Variants in SEC23A observed in about 807,000 individuals in gnomAD.
SEC23A encodes the protein protein transport protein Sec23A.
A neutral mutation model predicts 103.7 loss-of-function variants in SEC23A; 56 were observed. The observed-to-expected ratio is 0.54, with a 90% CI of 0.44 to 0.67. The LOEUF (loss-of-function observed/expected upper bound fraction) is 0.67, where lower values mean the gene tolerates loss of function less well. Ranked by LOEUF, SEC23A falls within the 30% of genes least tolerant of loss-of-function variation. The pLI is 0.00. For missense variants in SEC23A, 784 were observed against 936.4 expected, an observed-to-expected ratio of 0.84 and a Z score of 2.12; for synonymous variants, 281 against 293.0, an observed-to-expected ratio of 0.96 and a Z score of 0.42.
chr14:39,075,065 C>T (rs1388254073), intron 8 of SEC23A, among the ~76,000 whole-genome samples: 1 of 151,986 alleles, frequency 6.6e-6, no homozygotes, highest in African/African-American at 2.4e-5. Context: ...GGAGATCATG[C>T]CATTGTACTC....
intron 7 of SEC23A, among the ~76,000 whole-genome samples, chr14:39,082,610 G>A (rs991198539): frequency 6.6e-6 from 1 of 151,784 alleles, no homozygotes; most frequent in African/African-American, 2.4e-5. Flanking sequence ...ATTTTGCAAT[G>A]TTTATTAATT....
chr14:39,094,357 CATATACATATATATAT>C (rs1887780667), intron 2 of SEC23A, among the ~76,000 whole-genome samples: 1 of 55,224 alleles, frequency 1.8e-5, no homozygotes, highest in Non-Finnish European at 3.3e-5. Context: ...CATATATACA[CATATACATATATATAT>C]ACACACACAC....
chr14:39,053,474 T>C (rs1441104924), intron 14 of SEC23A, among the ~76,000 whole-genome samples: 1 of 151,442 alleles, frequency 6.6e-6, no homozygotes, highest in Non-Finnish European at 1.5e-5. Flanking sequence ...TCTAATAGTG[T>C]CCCATCAATA....
chr14:39,058,587 G>A (rs531947636), intron 13 of SEC23A, among the ~76,000 whole-genome samples: 4 of 152,290 alleles, frequency 2.6e-5, no homozygotes, highest in South Asian at 2.1e-4. Context: ...GATTACAGGC[G>A]TGAGCCACCG....
intron 10 of SEC23A, among the ~76,000 whole-genome samples, chr14:39,066,147 C>T (rs1440050701): frequency 6.6e-6 from 1 of 151,608 alleles, no homozygotes; most frequent in Non-Finnish European, 1.5e-5. Context: ...CATTCTATTA[C>T]ATGCAGTGTT....
At chr14:39,100,220 T>C (rs1342552221) in intron 1 of SEC23A, among the ~76,000 whole-genome samples, 1 of 152,258 alleles carries the variant, frequency 6.6e-6, no homozygotes, top group South Asian at 2.1e-4. Context: ...CAGCAGTAGT[T>C]TGAAGAAAAT....
chr14:39,050,808 G>GAAGAAAGAAAGAAAGAAAGAAAGGAAGA (rs1555326887), intron 14 of SEC23A, among the ~76,000 whole-genome samples: 10 of 150,610 alleles, frequency 6.6e-5, no homozygotes, highest in Non-Finnish European at 1.5e-5. Context: ...GGAAAGAAAG[G>GAAGAAAGAAAGAAAGAAAGAAAGGAAGA]AAGAAAGAAA....
At chr14:39,049,040 G>A (rs549035406) in intron 14 of SEC23A, among the ~76,000 whole-genome samples, 3 of 151,966 alleles carry the variant, frequency 2.0e-5, no homozygotes, top group South Asian at 2.1e-4. Flanking sequence ...AGCTCAACAC[G>A]TGCCTTAAAA....
At chr14:39,035,630 A>T (rs1267459260) in intron 19 of SEC23A, among the ~76,000 whole-genome samples, 1 of 152,104 alleles carries the variant, frequency 6.6e-6, no homozygotes, top group Non-Finnish European at 1.5e-5. Context: ...CCTGGGATTC[A>T]ATTTATTTAC....
intron 9 of SEC23A, among the ~76,000 whole-genome samples, chr14:39,069,835 A>G (rs1264642867): frequency 2.6e-5 from 4 of 151,960 alleles, no homozygotes; most frequent in African/African-American, 9.7e-5. Flanking sequence ...CACATGGCTC[A>G]CTCTCACTTG....
intron 7 of SEC23A, among the ~76,000 whole-genome samples, chr14:39,077,054 C>T (rs1887053261): frequency 6.6e-6 from 1 of 151,182 alleles, no homozygotes; most frequent in Admixed American, 6.6e-5. Context: ...TGGTTGAAAC[C>T]CTGTCTCTAC....
In SEC23A at chr14:39,054,347, C is replaced by A. The variant is rs1290618498; in HGVS notation, c.1659+796G>T. Reference sequence around the variant, plus strand: ...TGTAAGTACAGTAATGGTGTTCTGGCATGTTAAAAATCTAAGTAAATCAAC... The same window carrying A: ...TGTAAGTACAGTAATGGTGTTCTGGAATGTTAAAAATCTAAGTAAATCAAC... On this transcript the variant is annotated intron_variant, in intron 14 of 19. Transcript: ENST00000307712. Among the ~76,000 whole-genome samples the A allele has an allele frequency of 2.0e-5, 3 of 152,034 alleles. No homozygotes were observed. In the East Asian group the frequency reaches 5.8e-4, roughly 29 times the overall value.
intron 19 of SEC23A, among the ~76,000 whole-genome samples, chr14:39,037,195 C>T (rs1385036063): frequency 1.3e-5 from 2 of 152,104 alleles, no homozygotes; most frequent in Non-Finnish European, 2.9e-5. Flanking sequence ...CTTGCCCTGA[C>T]CATCAAACCC....
chr14:39,062,552 A>C (rs544030141), intron 12 of SEC23A, among the ~76,000 whole-genome samples: 11 of 152,192 alleles, frequency 7.2e-5, no homozygotes, highest in Non-Finnish European at 1.6e-4. Context: ...AAGATTAATA[A>C]TGAGAAGAAA....
At chr14:39,094,436 ATATATATTTTTT>A (rs1887813104) in intron 2 of SEC23A, among the ~76,000 whole-genome samples, 7 of 21,526 alleles carry the variant, frequency 3.3e-4, no homozygotes, top group African/African-American at 1.1e-3. Flanking sequence ...ATATATATAT[ATATATATTTTTT>A]TTTTTTTTTT....
At position 39,096,112 on chromosome 14, in the gene SEC23A, T is replaced by G; in HGVS notation, c.7A>C (p.Thr3Pro). 1 of 1,609,026 alleles carries G rather than the reference T, an allele frequency of 6.2e-7. No individual in the cohort carries two copies. The highest frequency in any genetic ancestry group is 2.2e-5 in the East Asian group (1 of 44,850). The change falls in exon 2 of 20, where the codon ACC becomes CCC. Residue 3 changes from threonine (T) to proline (P), a missense_variant. Physicochemically the swap from Thr to Pro is conservative, Grantham distance 38. Coordinates refer to ENST00000307712, the MANE Select transcript of SEC23A (RefSeq NM_006364.4). ...TTTTGTTGAATGAATTCCAAATAGG[T>G]TGTCATTGTGGAGTTTGATTCTTAT... is the stretch of plus-strand genomic sequence containing the variant. MTTYLEFIQQNEE... is the reference protein window; with the variant it reads MTPYLEFIQQNEE...
At chr14:39,067,494 T>G (rs961281462) in intron 9 of SEC23A, among the ~76,000 whole-genome samples, 198 bp from the exon 10 acceptor site, 1 of 151,320 alleles carries the variant, frequency 6.6e-6, no homozygotes, top group Non-Finnish European at 1.5e-5. Flanking sequence ...ATTCCGAAGG[T>G]AACAGAGTAC....
At chr14:39,085,681 ATTAT>A (rs1887409815) in intron 7 of SEC23A, 77 bp downstream of exon 7, 1 of 1,212,578 alleles carries the variant, frequency 8.2e-7, no homozygotes, top group Non-Finnish European at 1.1e-6. Flanking sequence ...TATCCTTATA[ATTAT>A]ATATACACAC....
chr14:39,096,966 T>A (rs1487543647), intron 1 of SEC23A, among the ~76,000 whole-genome samples: 2 of 152,220 alleles, frequency 1.3e-5, no homozygotes, highest in Admixed American at 1.3e-4. Context: ...ATTGTGCAAG[T>A]ACAGGCTATT....
Sources: allele counts gnomAD v4.1 joint callset (sites outside exome capture counted in the v4.1 genomes callset), GRCh38; gene constraint gnomAD v4.1.1; transcripts MANE v1.5; gene names NCBI Gene and HGNC (gene_info 2026-07-23, HGNC 2026-07-21).